ZBTB7C: variants seen among roughly 807,000 people sequenced by gnomAD.
The protein encoded by ZBTB7C is zinc finger and BTB domain-containing protein 7C.
Under a neutral mutation model 25.7 loss-of-function variants are expected in ZBTB7C, and 8 were observed. The ratio of observed to expected loss-of-function variants is 0.31; its 90% CI spans 0.18 to 0.56. The LOEUF is 0.56. ZBTB7C is among the 20% of genes least tolerant of loss of function. The pLI is 0.91. For synonymous variants in ZBTB7C, 394 were observed against 369.0 expected, an observed-to-expected ratio of 1.07 and a Z score of -0.78; for missense variants, 824 against 855.2, an observed-to-expected ratio of 0.96 and a Z score of 0.46.
chr18:48,213,029 G>A (rs1047566916), intron 2 of ZBTB7C, among the ~76,000 whole-genome samples: 3 of 151,898 alleles, frequency 2.0e-5, no homozygotes, highest in Non-Finnish European at 4.4e-5. Context: ...GGAGACCGGC[G>A]AGAGAATCTG....
chr18:48,058,993 T>A (rs1349556846), intron 3 of ZBTB7C, among the ~76,000 whole-genome samples: 1 of 152,192 alleles, frequency 6.6e-6, no homozygotes, highest in African/African-American at 2.4e-5. Context: ...TGAAACCACA[T>A]AGGAATCCCT....
chr18:48,376,362 G>T (rs542328175), intron 1 of ZBTB7C, among the ~76,000 whole-genome samples: 338 of 152,332 alleles, frequency 2.2e-3, no homozygotes, highest in African/African-American at 7.9e-3. Flanking sequence ...CTCCAGCCAC[G>T]CTGTGTAGAT....
At chr18:48,340,959 CCTCCTCTGAGCCTG>C (rs1188520517) in intron 1 of ZBTB7C, among the ~76,000 whole-genome samples, 3 of 152,174 alleles carry the variant, frequency 2.0e-5, no homozygotes, top group Admixed American at 6.5e-5. Context: ...CGGCAGCCCC[CCTCCTCTGAGCCTG>C]CGGTTCCTTT....
intron 2 of ZBTB7C, among the ~76,000 whole-genome samples, chr18:48,217,483 T>G (rs73955348): frequency 0.073 from 11,034 of 152,158 alleles, 468 homozygotes; most frequent in Middle Eastern, 0.14. Flanking sequence ...CTGAGGGCCT[T>G]TGAGTCCCCC....
intron 2 of ZBTB7C, among the ~76,000 whole-genome samples, chr18:48,261,478 G>A (rs1176093832): frequency 6.6e-6 from 1 of 152,170 alleles, no homozygotes; most frequent in African/African-American, 2.4e-5. Flanking sequence ...ATGGCTTGGC[G>A]CTGCCGGAAC....
intron 3 of ZBTB7C, among the ~76,000 whole-genome samples, chr18:48,054,889 G>A (rs558205783): frequency 6.6e-6 from 1 of 152,310 alleles, no homozygotes; most frequent in Admixed American, 6.5e-5. Flanking sequence ...TTTCCAAAGA[G>A]AGGGCAATTA....
At chr18:48,311,219 C>G (rs1027944956) in intron 2 of ZBTB7C, among the ~76,000 whole-genome samples, 5 of 152,294 alleles carry the variant, frequency 3.3e-5, no homozygotes, top group Non-Finnish European at 5.9e-5. Flanking sequence ...GTCTTTCTCA[C>G]CCCCTGCCTG....
chr18:48,218,485 C>G (rs148477095), intron 2 of ZBTB7C, among the ~76,000 whole-genome samples: 1 of 152,232 alleles, frequency 6.6e-6, no homozygotes, highest in Non-Finnish European at 1.5e-5. Flanking sequence ...GGCGTGCACA[C>G]GCATGGGACA....
intron 2 of ZBTB7C, among the ~76,000 whole-genome samples, chr18:48,266,170 A>C (rs887279072): frequency 4.6e-5 from 7 of 152,204 alleles, no homozygotes; most frequent in African/African-American, 7.2e-5. Flanking sequence ...TTTTAAAGTG[A>C]AATAAAGCTA....
chr18:48,135,173 C>T (rs1422642548), intron 3 of ZBTB7C, among the ~76,000 whole-genome samples: 3 of 152,132 alleles, frequency 2.0e-5, no homozygotes, highest in Non-Finnish European at 2.9e-5. Flanking sequence ...CCAGAGATCT[C>T]GTCTGATTTC....
intron 2 of ZBTB7C, among the ~76,000 whole-genome samples, chr18:48,286,994 G>A (rs1037420845): frequency 6.6e-6 from 1 of 151,762 alleles, no homozygotes; most frequent in African/African-American, 2.4e-5. Flanking sequence ...AAGGTTGCAG[G>A]AAAAACAAAC....
chr18:48,359,828 C>T (rs936540469), intron 1 of ZBTB7C, among the ~76,000 whole-genome samples: 1 of 152,152 alleles, frequency 6.6e-6, no homozygotes, highest in Non-Finnish European at 1.5e-5. Context: ...GGAGGGGAAG[C>T]GAGAGGCTAG....
chr18:48,274,720 T>G (rs2044594074), intron 2 of ZBTB7C, among the ~76,000 whole-genome samples: 1 of 152,224 alleles, frequency 6.6e-6, no homozygotes, highest in Non-Finnish European at 1.5e-5. Context: ...TTCCATCACC[T>G]GTCTCCATTC....
At chr18:48,286,241 T>C (rs1248947601) in intron 2 of ZBTB7C, among the ~76,000 whole-genome samples, 1 of 120,136 alleles carries the variant, frequency 8.3e-6, no homozygotes, top group Non-Finnish European at 1.8e-5. Context: ...TGCGTGTGTG[T>C]GTGTGTGTGT....
chr18:48,221,315 A>T (rs578106233), intron 2 of ZBTB7C, among the ~76,000 whole-genome samples: 2 of 138,566 alleles, frequency 1.4e-5, no homozygotes, highest in East Asian at 4.5e-4. Context: ...CTCCCTCTAT[A>T]CTGTCCTAGT....
intron 3 of ZBTB7C, among the ~76,000 whole-genome samples, chr18:48,155,503 AT>A (rs796221679): frequency 0.024 from 3,275 of 133,718 alleles, 111 homozygotes; most frequent in African/African-American, 0.078. Context: ...AATTTTTTGT[AT>A]TTTTTTTTTT....
rs549097997 is a variant in ZBTB7C, at chr18:48,254,659, A to AACAAT, written c.-78-68669_-78-68665dup. On this transcript the variant is annotated intron_variant, in intron 2 of 4. Coordinates refer to ENST00000590800, the MANE Select transcript of ZBTB7C (RefSeq NM_001318841.2). Reference sequence around the variant, plus strand: ...CGAACCCCATGTATTTACCCCAGACAACAATACAGCTTCCACTTTACCCTG... The same window carrying AACAAT: ...CGAACCCCATGTATTTACCCCAGACAACAATACAATACAGCTTCCACTTTACCCTG... Among the ~76,000 whole-genome samples the AACAAT allele has an allele frequency of 3.4e-4, 52 of 152,266 alleles. No individual in the cohort carries two copies. In the South Asian group the frequency reaches 5.8e-3, roughly 17 times the overall value.
intron 3 of ZBTB7C, chr18:48,149,037 C>T (rs181521474): frequency 6.6e-6 from 1 of 152,282 alleles, no homozygotes; most frequent in African/African-American, 2.4e-5. Flanking sequence ...CCAGCTTACA[C>T]ATTTTGTCAG....
intron 2 of ZBTB7C, among the ~76,000 whole-genome samples, chr18:48,228,332 G>C (rs994564502): frequency 6.6e-6 from 1 of 152,200 alleles, no homozygotes; most frequent in Non-Finnish European, 1.5e-5. Context: ...ATTTTGTTAA[G>C]GGTGAGCCCT....
Sources: allele counts gnomAD v4.1 joint callset (sites outside exome capture counted in the v4.1 genomes callset), GRCh38; gene constraint gnomAD v4.1.1; transcripts MANE v1.5; gene names NCBI Gene and HGNC (gene_info 2026-07-23, HGNC 2026-07-21).